Variants in ZFHX3 observed in about 807,000 individuals in gnomAD.
ZFHX3 encodes the protein zinc finger homeobox 3, also known as zinc finger homeobox protein 3.
In ZFHX3, 42 loss-of-function variants were observed where a neutral mutation model predicts 279.1. The observed-to-expected ratio is 0.15, with a 90% CI of 0.12 to 0.19. The LOEUF is 0.19. Ranked by LOEUF, ZFHX3 falls within the 10% of genes least tolerant of loss-of-function variation. ZFHX3 has a pLI of 1.00. For synonymous variants in ZFHX3, 2,293 were observed against 1,957.8 expected (o/e 1.17, Z -4.52); for missense variants, 4,981 against 4,754.0 (o/e 1.05, Z -1.40).
chr16:73,526,381 G>C (rs1449637973), intron 2 of ZFHX3, among the ~76,000 whole-genome samples: 3 of 152,082 alleles, frequency 2.0e-5, no homozygotes, highest in Admixed American at 2.0e-4. Context: ...AGAAAGGAGG[G>C]GCCAAGTCTT....
chr16:73,699,909 C>G (rs2053231269), intron 1 of ZFHX3, among the ~76,000 whole-genome samples: 1 of 152,094 alleles, frequency 6.6e-6, no homozygotes. Context: ...GATATTGTTA[C>G]ATGGCATATA....
chr16:73,055,847 T>TACATACAC (rs146590791), intron 1 of ZFHX3, among the ~76,000 whole-genome samples: 2 of 138,628 alleles, frequency 1.4e-5, no homozygotes, highest in East Asian at 4.3e-4. Context: ...CCTACAACTC[T>TACATACAC]ACACACACAC....
intron 4 of ZFHX3, among the ~76,000 whole-genome samples, chr16:72,881,875 T>C (rs1440917366): frequency 6.6e-6 from 1 of 152,190 alleles, no homozygotes; most frequent in Non-Finnish European, 1.5e-5. Context: ...TAGCTATCCA[T>C]ATTCACTTTA....
At chr16:73,126,546 C>G (rs368765152) in intron 7 of ZFHX3, 13 of 152,226 alleles carry the variant, frequency 8.5e-5, no homozygotes, top group African/African-American at 3.1e-4. Flanking sequence ...TTAGGGTACA[C>G]GTTGGAAAAA....
chr16:73,841,875 G>C (rs1308822825), intron 1 of ZFHX3, among the ~76,000 whole-genome samples: 1 of 152,108 alleles, frequency 6.6e-6, no homozygotes, highest in Admixed American at 6.6e-5. Context: ...CGCATAGTCT[G>C]TACATGTGCA....
At chr16:73,247,783 G>C (rs1348039274) in intron 5 of ZFHX3, among the ~76,000 whole-genome samples, 1 of 152,162 alleles carries the variant, frequency 6.6e-6, no homozygotes, top group East Asian at 1.9e-4. Flanking sequence ...TATATGATGT[G>C]TCTGTGTATA....
At chr16:73,839,942 C>A (rs901512207) in intron 1 of ZFHX3, among the ~76,000 whole-genome samples, 1 of 152,208 alleles carries the variant, frequency 6.6e-6, no homozygotes, top group Admixed American at 6.5e-5. Flanking sequence ...TGTGTCTTCT[C>A]TTCTCCATTT....
chr16:73,800,543 T>C (rs1031102433), intron 1 of ZFHX3, among the ~76,000 whole-genome samples: 1 of 152,082 alleles, frequency 6.6e-6, no homozygotes, highest in African/African-American at 2.4e-5. Context: ...GTTGTGCTTT[T>C]TCTTCTTCTT....
chr16:73,863,922 A>C (rs887384122), intron 1 of ZFHX3, among the ~76,000 whole-genome samples: 2 of 152,212 alleles, frequency 1.3e-5, no homozygotes, highest in African/African-American at 2.4e-5. Flanking sequence ...AGATAGAAAA[A>C]TGATCACGCT....
chr16:73,062,523 G>T (rs1002241002), upstream of ZFHX3, among the ~76,000 whole-genome samples: 1 of 152,206 alleles, frequency 6.6e-6, no homozygotes, highest in Admixed American at 6.5e-5. Flanking sequence ...GTGAATTTGA[G>T]TAAGAATCTG....
chr16:73,677,545 C>T (rs2052967251), intron 2 of ZFHX3, among the ~76,000 whole-genome samples: 1 of 151,830 alleles, frequency 6.6e-6, no homozygotes, highest in African/African-American at 2.4e-5. Context: ...CTACCTTTGG[C>T]ATAGCTAATC....
intron 1 of ZFHX3, among the ~76,000 whole-genome samples, chr16:73,860,892 A>C (rs1260250975): frequency 1.3e-5 from 2 of 152,116 alleles, no homozygotes; most frequent in Non-Finnish European, 2.9e-5. Context: ...TCCCAGGCAA[A>C]AGTTCTATAT....
intron 8 of ZFHX3, among the ~76,000 whole-genome samples, chr16:73,065,958 C>G (rs1965746331): frequency 1.3e-5 from 2 of 152,212 alleles, no homozygotes; most frequent in African/African-American, 2.4e-5. Context: ...ATTTGGAGCC[C>G]GTACTTGGTT....
chr16:73,359,896 T>C lies in ZFHX3; in HGVS notation c.-1290-41560A>G, dbSNP rs1002322801. Among the ~76,000 whole-genome samples, 9 of 116,590 alleles carry C rather than the reference T, an allele frequency of 7.7e-5. No homozygotes were observed. In the East Asian group the frequency reaches 2.5e-3, roughly 32 times the overall value. 76.5% of individuals were successfully genotyped at this position (116,590 alleles called of 152,430 possible). A position where few individuals can be genotyped will look rare whatever the true frequency, so the allele number is the denominator to read the frequency against. ...TATTGATCATGGGGGGTGGTTCATG[T>C]TAGATGGGATTTTTTTTTTAAATGA... On this transcript the variant is annotated intron_variant, in intron 3 of 17. Transcript: ENST00000641206.
chr16:73,397,630 C>G (rs1220157779), intron 3 of ZFHX3, among the ~76,000 whole-genome samples: 1 of 152,108 alleles, frequency 6.6e-6, no homozygotes, highest in Non-Finnish European at 1.5e-5. Context: ...GTGATGGTGG[C>G]TTGGACCAGG....
rs149645127 is a variant in ZFHX3 at position 72,798,386 on chromosome 16, A to G, written c.4296T>C (p.Cys1432=). 7.8e-4 allele frequency: 1,261 copies of G among 1,614,218 alleles called. 19 individuals are homozygous for G. In the East Asian group the frequency reaches 0.024, roughly 31 times the overall value. Residue 1432 remains cysteine (C), a synonymous_variant, in exon 9 of 10, where the codon TGT becomes TGC. Coordinates refer to ENST00000268489, the MANE Select transcript of ZFHX3 (RefSeq NM_006885.4). ...YHVIRAATMC[C]LCQRSFRTFQ... Reference sequence around the variant, plus strand: ...AAGTTCGGAAACTGCGCTGACAAAGACAGCACATGGTGGCAGCTCTGATCA... The same window carrying G: ...AAGTTCGGAAACTGCGCTGACAAAGGCAGCACATGGTGGCAGCTCTGATCA...
chr16:73,123,246 C>T (rs546413063), intron 7 of ZFHX3: 1 of 150,076 alleles, frequency 6.7e-6, no homozygotes, highest in South Asian at 2.2e-4. Flanking sequence ...GCAGCTCCTC[C>T]CACCAAGACG....
chr16:72,791,222 C>T (rs998874115), intron 9 of ZFHX3: 1 of 152,238 alleles, frequency 6.6e-6, no homozygotes, highest in African/African-American at 2.4e-5. Flanking sequence ...AAATGAAAGA[C>T]CACATTGATA....
Position 73,289,498 on chromosome 16 carries a change from A to G in ZFHX3, c.-1194+28742T>C, listed in dbSNP as rs373971612. Among the ~76,000 whole-genome samples, 42 of 152,134 alleles carry G rather than the reference A, an allele frequency of 2.8e-4. 3 individuals carry two copies. Among genetic ancestry groups the G allele is most frequent in the South Asian group, 1.2e-3 (6 of 4,820 alleles). The stretch of plus-strand genomic sequence containing the variant: ...GCCATGTGAAGAGCCCCAGATATGT[A>G]TCTCTAACAGGAGGGGACGGGGCAC... On this transcript the variant is annotated intron_variant, in intron 4 of 17. Transcript: ENST00000641206.
Sources: gnomAD v4.1 joint callset for allele counts (sites outside exome capture counted in the v4.1 genomes callset) on GRCh38, gnomAD v4.1.1 for gene constraint, MANE v1.5 for transcripts, NCBI Gene and HGNC (gene_info 2026-07-23, HGNC 2026-07-21) for gene names.